Variants in GRID2 observed in about 807,000 individuals in gnomAD.
GRID2 encodes the protein glutamate ionotropic receptor delta type subunit 2.
GRID2 carries 33 observed loss-of-function variants against 114.8 expected under a neutral mutation model. The ratio of observed to expected loss-of-function variants is 0.29; its 90% CI spans 0.22 to 0.38. The LOEUF (loss-of-function observed/expected upper bound fraction) is 0.38, where lower values mean the gene tolerates loss of function less well. Ranked by LOEUF, GRID2 falls within the 10% of genes least tolerant of loss-of-function variation. GRID2 has a pLI of 1.00. For missense variants in GRID2, 1,184 were observed against 1,257.7 expected, an observed-to-expected ratio of 0.94 and a Z score of 0.89; for synonymous variants, 505 against 449.9, an observed-to-expected ratio of 1.12 and a Z score of -1.55.
chr4:93,129,885 G>A (rs1311519157), intron 4 of GRID2, among the ~76,000 whole-genome samples: 1 of 152,082 alleles, frequency 6.6e-6, no homozygotes, highest in Admixed American at 6.5e-5. Flanking sequence ...AGGTTGGATC[G>A]TATTGTTCAG....
At chr4:93,753,045 C>T (rs1732462801) in intron 14 of GRID2, among the ~76,000 whole-genome samples, 1 of 152,086 alleles carries the variant, frequency 6.6e-6, no homozygotes, top group Admixed American at 6.6e-5. Flanking sequence ...ATCACTGATT[C>T]TCAGAGGGAT....
chr4:92,557,649 A>C (rs2149178918), intron 1 of GRID2, among the ~76,000 whole-genome samples: 1 of 147,564 alleles, frequency 6.8e-6, no homozygotes, highest in African/African-American at 2.5e-5. Flanking sequence ...ATATGGTTAT[A>C]TATATATATA....
At chr4:93,710,311 G>A (rs1279051472) in intron 14 of GRID2, among the ~76,000 whole-genome samples, 1 of 152,240 alleles carries the variant, frequency 6.6e-6, no homozygotes, top group Non-Finnish European at 1.5e-5. Flanking sequence ...GCCCAGTAAT[G>A]CTGTGACCTT....
chr4:93,085,267 G>C lies in GRID2; in HGVS notation c.517G>C (p.Asp173His). ...CTGGCAGAAATTCATTATATTCTATGATAGTGAATACGGTAAGTGTTTATA... is the reference window on the plus strand; with the variant it reads ...CTGGCAGAAATTCATTATATTCTATCATAGTGAATACGGTAAGTGTTTATA... ...YAWQKFIIFY[D>H]SEYDIRGIQE... Residue 173 changes from aspartate (D) to histidine (H), a missense_variant, in exon 3 of 16, where the codon GAT becomes CAT. Asp to His is a moderately conservative substitution (Grantham distance 81). Transcript: ENST00000282020. 1.9e-6 allele frequency: 3 copies of C among 1,609,572 alleles called. No individual in the cohort carries two copies. The highest frequency in any genetic ancestry group is 2.6e-6 in the Non-Finnish European group (3 of 1,175,806).
chr4:93,668,371 CT>C (rs1265870994), intron 14 of GRID2, among the ~76,000 whole-genome samples: 1 of 131,946 alleles, frequency 7.6e-6, no homozygotes, highest in East Asian at 3.0e-4. Context: ...CATAGTTGTT[CT>C]CTTTTTTTTT....
chr4:92,776,151 A>G (rs574711842), intron 2 of GRID2, among the ~76,000 whole-genome samples: 20 of 152,248 alleles, frequency 1.3e-4, no homozygotes, highest in African/African-American at 4.3e-4. Context: ...TTTCATCGCT[A>G]TAAACTTTTG....
At chr4:93,395,823 C>T (rs768445910) in intron 9 of GRID2, 115 bp downstream of exon 9, 27 of 517,588 alleles carry the variant, frequency 5.2e-5, no homozygotes, top group Non-Finnish European at 7.1e-5. Flanking sequence ...ATTCTAAATA[C>T]GCTTTCTAAG....
At chr4:93,706,624 G>A (rs1728022623) in intron 14 of GRID2, among the ~76,000 whole-genome samples, 1 of 152,044 alleles carries the variant, frequency 6.6e-6, no homozygotes, top group African/African-American at 2.4e-5. Context: ...GTGGAGTCTA[G>A]GTTTTTCCAA....
chr4:92,849,523 T>C (rs1464192160), intron 2 of GRID2, among the ~76,000 whole-genome samples: 1 of 151,970 alleles, frequency 6.6e-6, no homozygotes, highest in Non-Finnish European at 1.5e-5. Flanking sequence ...AACAAAATAG[T>C]AATTTTAATA....
chr4:93,538,089 G>C (rs142059076), intron 13 of GRID2, among the ~76,000 whole-genome samples: 1,805 of 151,762 alleles, frequency 0.012, 34 homozygotes, highest in African/African-American at 0.041. Flanking sequence ...ATTAAAAATT[G>C]TATACTCAAA....
intron 13 of GRID2, among the ~76,000 whole-genome samples, chr4:93,561,513 A>T (rs1181739348): frequency 6.6e-6 from 1 of 152,144 alleles, no homozygotes; most frequent in Non-Finnish European, 1.5e-5. Flanking sequence ...TATTTGTCGT[A>T]ATTAATGCAT....
At position 92,384,026 on chromosome 4, in the gene GRID2, A is replaced by G. The variant is rs1422208130; in HGVS notation, c.88+79282A>G. On this transcript the variant is annotated intron_variant, in intron 1 of 15. Transcript: ENST00000282020. Reference sequence around the variant, plus strand: ...TCTTAATGGAAATATCTTAAGCATTAAAAAACAGGAGAATAAGGATATATT... The same window carrying G: ...TCTTAATGGAAATATCTTAAGCATTGAAAAACAGGAGAATAAGGATATATT... Among the ~76,000 whole-genome samples the G allele has an allele frequency of 5.3e-5, 8 of 152,026 alleles. No individual in the cohort carries two copies. In the East Asian group the frequency reaches 1.5e-3, roughly 29 times the overall value.
chr4:93,025,209 A>C (rs1056997374), intron 2 of GRID2, among the ~76,000 whole-genome samples: 3 of 151,758 alleles, frequency 2.0e-5, no homozygotes, highest in African/African-American at 7.2e-5. Flanking sequence ...ATGTGTTTGG[A>C]AACATTTAAG....
chr4:93,377,411 G>GT, intron 8 of GRID2, among the ~76,000 whole-genome samples: 1 of 152,138 alleles, frequency 6.6e-6, no homozygotes, highest in African/African-American at 2.4e-5. Context: ...AGGTTAATTG[G>GT]GTGCACTGGA....
intron 14 of GRID2, among the ~76,000 whole-genome samples, chr4:93,747,290 C>T (rs867748369): frequency 1.3e-5 from 2 of 152,102 alleles, no homozygotes; most frequent in Non-Finnish European, 2.9e-5. Context: ...TTCCAAAATA[C>T]ATTTATCTCT....
At chr4:93,274,391 C>T (rs1433672) in intron 8 of GRID2, among the ~76,000 whole-genome samples, 106,476 of 151,848 alleles carry the variant, frequency 0.7, 38,181 homozygotes, top group Middle Eastern at 0.85. Context: ...AGCTACGAGA[C>T]TGGATTTCAG....
chr4:92,617,463 A>G (rs542465856), intron 2 of GRID2, among the ~76,000 whole-genome samples: 1 of 151,758 alleles, frequency 6.6e-6, no homozygotes, highest in African/African-American at 2.4e-5. Context: ...TATGAGTGAG[A>G]ACATGCAGTG....
At chr4:93,571,067 G>A (rs1276839395) in intron 13 of GRID2, among the ~76,000 whole-genome samples, 1 of 152,102 alleles carries the variant, frequency 6.6e-6, no homozygotes, top group Non-Finnish European at 1.5e-5. Context: ...TGTCTGGGAT[G>A]TCAAGATAAG....
intron 2 of GRID2, among the ~76,000 whole-genome samples, chr4:92,615,435 T>C (rs1729961560): frequency 6.6e-6 from 1 of 151,600 alleles, no homozygotes; most frequent in South Asian, 2.1e-4. Flanking sequence ...ATAATATCAG[T>C]GTAGCTACAC....
Sources: gnomAD v4.1 joint callset for allele counts (sites outside exome capture counted in the v4.1 genomes callset) on GRCh38, gnomAD v4.1.1 for gene constraint, MANE v1.5 for transcripts, NCBI Gene and HGNC (gene_info 2026-07-23, HGNC 2026-07-21) for gene names.